PPP1R12B: variants seen among roughly 807,000 people sequenced by gnomAD.
PPP1R12B encodes the protein myosin phosphatase target subunit 2.
PPP1R12B carries 76 observed loss-of-function variants against 126.1 expected under a neutral mutation model. That is an observed-to-expected ratio of 0.60 (90% CI 0.50 to 0.73). The LOEUF (loss-of-function observed/expected upper bound fraction) is 0.73. Among genes scored for constraint, PPP1R12B ranks in the 30% least tolerant of loss-of-function variants. The pLI is 0.00. For synonymous variants in PPP1R12B, 356 were observed against 434.7 expected, an observed-to-expected ratio of 0.82 and a Z score of 2.25; for missense variants, 1,052 against 1,205.1, an observed-to-expected ratio of 0.87 and a Z score of 1.88.
chr1:202,517,649 A>G (rs1236539902), intron 18 of PPP1R12B, among the ~76,000 whole-genome samples: 3 of 151,430 alleles, frequency 2.0e-5, no homozygotes, highest in Non-Finnish European at 4.4e-5. Flanking sequence ...TTTTTGAGAC[A>G]GAGTCTTGCT....
rs777486483 is a variant in PPP1R12B, at chr1:202,431,618, A to T, written c.1140A>T (p.Ala380=). 6.2e-7 allele frequency: 1 copy of T among 1,605,708 alleles called. No individual in the cohort carries two copies. The highest frequency in any genetic ancestry group is 1.3e-5 in the African/African-American group (1 of 74,104). The change falls in exon 8 of 24, where the codon GCA becomes GCT. Residue 380 remains alanine, a splice_region_variant and synonymous_variant. Coordinates refer to ENST00000608999, the MANE Select transcript of PPP1R12B (RefSeq NM_002481.4). ...EASESETEKE[A]DKKPEAFVNH... Reference sequence around the variant, plus strand: ...CTGAGTCAGAAACTGAGAAGGAGGCAGGTAATGCAAAGATGTTCATAGTGA... The same window carrying T: ...CTGAGTCAGAAACTGAGAAGGAGGCTGGTAATGCAAAGATGTTCATAGTGA...
At chr1:202,548,663 G>A (rs1239556421) in intron 18 of PPP1R12B, among the ~76,000 whole-genome samples, 2 of 151,748 alleles carry the variant, frequency 1.3e-5, no homozygotes, top group Non-Finnish European at 1.5e-5. Flanking sequence ...TAGGTGTGGT[G>A]GTGCATGCCT....
rs539026962 is a variant in PPP1R12B at position 202,445,497 on chromosome 1, A to G, written c.1667+2925A>G. On this transcript the variant is annotated intron_variant, in intron 12 of 23. Transcript: ENST00000608999. ...GATTTCATCCCTCAACAACCTAACC[A>G]GTTGTGATTACAATTTAAGGATCAT... 6.6e-5 allele frequency among the ~76,000 whole-genome samples: 10 copies of G among 152,342 alleles called. No homozygotes were observed. In the South Asian group the frequency reaches 1.0e-3, roughly 16 times the overall value.
intron 14 of PPP1R12B, among the ~76,000 whole-genome samples, chr1:202,491,562 A>C (rs1250250349): frequency 3.3e-5 from 5 of 152,202 alleles, no homozygotes; most frequent in Admixed American, 6.5e-5. Flanking sequence ...TTATTGAATA[A>C]AAAAATGAGT....
In PPP1R12B at chr1:202,540,154, T is replaced by C. The variant is rs758125759; in HGVS notation, c.2491-18723T>C. On this transcript the variant is annotated intron_variant, in intron 18 of 23. Transcript: ENST00000608999. ...CCTGAGGAACCATGTCCTCTTTATATACCCGAAGTAAAGAATTCACTCGGA... is the reference window on the plus strand; with the variant it reads ...CCTGAGGAACCATGTCCTCTTTATACACCCGAAGTAAAGAATTCACTCGGA... 1.9e-5 allele frequency: 31 copies of C among 1,608,488 alleles called. No homozygotes were observed. In the South Asian group the frequency reaches 3.0e-4, roughly 15 times the overall value.
chr1:202,361,588 A>T (rs1316313672), intron 1 of PPP1R12B, among the ~76,000 whole-genome samples: 1 of 152,184 alleles, frequency 6.6e-6, no homozygotes, highest in African/African-American at 2.4e-5. Context: ...TCACATTTCA[A>T]CATGAAATTT....
intron 13 of PPP1R12B, among the ~76,000 whole-genome samples, chr1:202,476,126 C>T (rs1676610791): frequency 2.6e-5 from 4 of 151,054 alleles, no homozygotes; most frequent in South Asian, 2.1e-4. Flanking sequence ...ATTGCTTGAA[C>T]CCAGGAGGCA....
At chr1:202,385,637 C>T (rs1451043583) in intron 1 of PPP1R12B, among the ~76,000 whole-genome samples, 2 of 152,086 alleles carry the variant, frequency 1.3e-5, no homozygotes, top group Non-Finnish European at 2.9e-5. Flanking sequence ...AGAGCTCAAC[C>T]CTCTCATTTT....
rs541208990 is a variant in PPP1R12B, at chr1:202,457,145, A to G, written c.1850+7974A>G. Among the ~76,000 whole-genome samples, 6 of 152,378 alleles carry G rather than the reference A, an allele frequency of 3.9e-5. No homozygotes were observed. The South Asian group carries it at 6.2e-4, about 16-fold the overall frequency. ...AAGATTTTGCAAAATAGTATTATCTATATAGAATCTTGTTTAAATGGGAAC... is the reference window on the plus strand; with the variant it reads ...AAGATTTTGCAAAATAGTATTATCTGTATAGAATCTTGTTTAAATGGGAAC... On this transcript the variant is annotated intron_variant, in intron 13 of 23. Coordinates refer to ENST00000608999, the MANE Select transcript of PPP1R12B (RefSeq NM_002481.4).
intron 17 of PPP1R12B, 74 bp downstream of exon 17, chr1:202,495,756 A>G: frequency 7.5e-7 from 1 of 1,340,976 alleles, no homozygotes; most frequent in Non-Finnish European, 1.1e-6. Flanking sequence ...GTTTAAAAGA[A>G]AGAGTCCCGC....
intron 18 of PPP1R12B, among the ~76,000 whole-genome samples, chr1:202,511,309 C>T (rs567323624): frequency 3.3e-5 from 5 of 151,768 alleles, no homozygotes; most frequent in Non-Finnish European, 5.9e-5. Flanking sequence ...CTCCGCCTCC[C>T]GGGTTCAAGC....
chr1:202,418,263 T>C (rs1267145126), intron 2 of PPP1R12B, among the ~76,000 whole-genome samples: 1 of 152,226 alleles, frequency 6.6e-6, no homozygotes, highest in African/African-American at 2.4e-5. Context: ...GAAACATTTA[T>C]AGAACATGTT....
intron 13 of PPP1R12B, among the ~76,000 whole-genome samples, chr1:202,470,049 G>T (rs1216432901): frequency 6.6e-6 from 1 of 152,186 alleles, no homozygotes; most frequent in Non-Finnish European, 1.5e-5. Context: ...CCCCATTGGA[G>T]GCCATCCTAG....
chr1:202,373,242 A>G (rs568762992), intron 1 of PPP1R12B, among the ~76,000 whole-genome samples: 195 of 152,042 alleles, frequency 1.3e-3, no homozygotes, highest in Non-Finnish European at 2.1e-3. Context: ...GGCCACTGAT[A>G]ATTTCTTTTT....
chr1:202,398,245 A>G (rs1665295132), intron 1 of PPP1R12B, among the ~76,000 whole-genome samples: 1 of 152,216 alleles, frequency 6.6e-6, no homozygotes. Flanking sequence ...TACACACATT[A>G]GAAACAAAAG....
At chr1:202,376,795 GAGACAA>G (rs1661248017) in intron 1 of PPP1R12B, among the ~76,000 whole-genome samples, 1 of 152,104 alleles carries the variant, frequency 6.6e-6, no homozygotes, top group Non-Finnish European at 1.5e-5. Context: ...GAGTTCATCA[GAGACAA>G]TTTTTTTCAA....
intron 18 of PPP1R12B, among the ~76,000 whole-genome samples, chr1:202,520,974 G>A (rs528585867): frequency 1.2e-4 from 18 of 152,204 alleles, no homozygotes; most frequent in African/African-American, 4.3e-4. Context: ...GTCTGTGCAT[G>A]AACCCAGGAC....
Position 202,348,758 on chromosome 1 carries a change from G to C in PPP1R12B, c.-94G>C. 1.4e-6 allele frequency: 2 copies of C among 1,454,866 alleles called. No homozygotes were observed. Among genetic ancestry groups the C allele is most frequent in the Non-Finnish European group, 1.8e-6 (2 of 1,094,098 alleles). 90.1% of individuals were successfully genotyped at this position (1,454,866 alleles called of 1,614,324 possible). On this transcript the variant is annotated 5_prime_UTR_variant, in exon 1 of 24. Transcript: ENST00000608999. ...CGAGGGTCTCCGCCCTCTGCTCCGG[G>C]CTGAAGCGCTCTGAGAGAGGCGGCA...
chr1:202,562,600 T>G (rs1687636687), intron 19 of PPP1R12B, 178 bp from the exon 20 acceptor site: 1 of 796,010 alleles, frequency 1.3e-6, no homozygotes, highest in Non-Finnish European at 2.2e-6. Flanking sequence ...CTCGTGCAGT[T>G]TAGCCCTGAG....
Sources: gnomAD v4.1 joint callset for allele counts (sites outside exome capture counted in the v4.1 genomes callset) on GRCh38, gnomAD v4.1.1 for gene constraint, MANE v1.5 for transcripts, NCBI Gene and HGNC (gene_info 2026-07-23, HGNC 2026-07-21) for gene names.